The following STAU2 variants were observed in gnomAD, a reference collection of about 807,000 sequenced individuals.
The protein encoded by STAU2 is double-stranded RNA-binding protein Staufen homolog 2.
Under a neutral mutation model 65.9 loss-of-function variants are expected in STAU2, and 20 were observed. That is an observed-to-expected ratio of 0.30 (90% CI 0.21 to 0.44). The LOEUF (loss-of-function observed/expected upper bound fraction) is 0.44. Among genes scored for constraint, STAU2 ranks in the 20% least tolerant of loss-of-function variants. The probability of loss-of-function intolerance (pLI) is 1.00; values close to 1 mark genes in which losing one functional copy is unlikely to be tolerated. For synonymous variants in STAU2, 232 were observed against 233.9 expected (o/e 0.99, Z 0.07); for missense variants, 558 against 683.9 (o/e 0.82, Z 2.05).
At chr8:73,480,304 C>A (rs1204559254) in intron 13 of STAU2, among the ~76,000 whole-genome samples, 1 of 152,052 alleles carries the variant, frequency 6.6e-6, no homozygotes, top group Non-Finnish European at 1.5e-5. Context: ...CCCTATGTAT[C>A]CAATGTATAA....
intron 11 of STAU2, among the ~76,000 whole-genome samples, chr8:73,585,859 G>A (rs565292886): frequency 1.3e-5 from 2 of 152,334 alleles, no homozygotes; most frequent in African/African-American, 4.8e-5. Context: ...AATCAAGTGG[G>A]TGGTTCCCTC....
chr8:73,570,246 C>T (rs935178867), intron 12 of STAU2, among the ~76,000 whole-genome samples: 24 of 151,632 alleles, frequency 1.6e-4, no homozygotes, highest in African/African-American at 5.3e-4. Context: ...TGAAATAAAG[C>T]GAGAAGTTTA....
At chr8:73,525,175 A>G (rs1823283302) in intron 13 of STAU2, among the ~76,000 whole-genome samples, 1 of 152,214 alleles carries the variant, frequency 6.6e-6, no homozygotes, top group African/African-American at 2.4e-5. Context: ...TCATCAACAC[A>G]TTTCCTGAAA....
intron 13 of STAU2, among the ~76,000 whole-genome samples, chr8:73,495,678 T>TATATATATATATATATATATAC (rs1387768770): frequency 2.3e-3 from 336 of 147,684 alleles, no homozygotes; most frequent in African/African-American, 7.9e-3. Flanking sequence ...TATATATATA[T>TATATATATATATATATATATAC]ATATATATAT....
chr8:73,560,075 ATTTTT>A (rs35696339), intron 12 of STAU2, among the ~76,000 whole-genome samples: 4 of 83,482 alleles, frequency 4.8e-5, no homozygotes, highest in African/African-American at 1.4e-4. Flanking sequence ...TACTGAACAG[ATTTTT>A]TTTTTTTTTT....
intron 5 of STAU2, among the ~76,000 whole-genome samples, chr8:73,685,066 T>A (rs1818697853): frequency 6.6e-6 from 1 of 152,160 alleles, no homozygotes; most frequent in East Asian, 1.9e-4. Context: ...TCACAAGATC[T>A]GATAGTTTTG....
intron 13 of STAU2, among the ~76,000 whole-genome samples, chr8:73,455,502 A>G (rs905003089): frequency 6.6e-6 from 1 of 152,112 alleles, no homozygotes; most frequent in African/African-American, 2.4e-5. Context: ...ACTTGTCCCC[A>G]TTGGGCTCTG....
intron 13 of STAU2, among the ~76,000 whole-genome samples, chr8:73,468,804 G>A (rs937885698): frequency 1.3e-4 from 20 of 152,198 alleles, no homozygotes; most frequent in South Asian, 2.1e-4. Context: ...GTCAGGAAAC[G>A]ACAGGTGCTG....
At chr8:73,455,152 T>A (rs886751398) in intron 13 of STAU2, among the ~76,000 whole-genome samples, 1 of 152,026 alleles carries the variant, frequency 6.6e-6, no homozygotes, top group Non-Finnish European at 1.5e-5. Flanking sequence ...CTGGATCCCA[T>A]CTCCTCATAC....
chr8:73,466,449 G>A (rs1819659767), intron 13 of STAU2, among the ~76,000 whole-genome samples: 1 of 152,162 alleles, frequency 6.6e-6, no homozygotes, highest in African/African-American at 2.4e-5. Context: ...CAGGATGAAA[G>A]AAATAATCCA....
At chr8:73,745,476 T>C (rs1182029133) in intron 1 of STAU2, among the ~76,000 whole-genome samples, 1 of 152,232 alleles carries the variant, frequency 6.6e-6, no homozygotes, top group African/African-American at 2.4e-5. Flanking sequence ...ACCCTGCCTG[T>C]CCATCACAAT....
chr8:73,603,909 CT>C (rs1811823313), intron 9 of STAU2, 46 bp from the exon 10 acceptor site: 1 of 1,556,418 alleles, frequency 6.4e-7, no homozygotes, highest in Non-Finnish European at 8.7e-7. Flanking sequence ...CTTGTGAAAC[CT>C]GTTATTGAAT....
intron 3 of STAU2, among the ~76,000 whole-genome samples, chr8:73,709,435 ATTT>A (rs1251938985): frequency 1.3e-5 from 2 of 152,018 alleles, no homozygotes; most frequent in Admixed American, 6.6e-5. Context: ...AATTATAATA[ATTT>A]TTTATCTTAA....
intron 6 of STAU2, among the ~76,000 whole-genome samples, chr8:73,624,570 T>C (rs1043494559): frequency 2.6e-5 from 4 of 152,162 alleles, no homozygotes; most frequent in Non-Finnish European, 5.9e-5. Context: ...ATTTTACAGA[T>C]GAGGAAACTG....
intron 13 of STAU2, among the ~76,000 whole-genome samples, chr8:73,451,946 A>G (rs1358293961): frequency 6.6e-6 from 1 of 152,128 alleles, no homozygotes; most frequent in Admixed American, 6.5e-5. Flanking sequence ...GTTTTCTTTT[A>G]CCTTCCCAAG....
intron 11 of STAU2, among the ~76,000 whole-genome samples, chr8:73,588,248 G>A (rs1329601035): frequency 1.3e-5 from 2 of 152,180 alleles, no homozygotes; most frequent in Non-Finnish European, 2.9e-5. Flanking sequence ...GGAGAGATAG[G>A]ACTCACAAAA....
intron 7 of STAU2, 140 bp downstream of exon 7, chr8:73,617,152 C>T (rs937231805): frequency 9.8e-7 from 1 of 1,019,346 alleles, no homozygotes; most frequent in African/African-American, 1.6e-5. Flanking sequence ...CCTGCAGGAA[C>T]ACATGAAGCA....
chr8:73,475,693 C>T (rs1820285024), intron 13 of STAU2, among the ~76,000 whole-genome samples: 1 of 152,112 alleles, frequency 6.6e-6, no homozygotes, highest in Non-Finnish European at 1.5e-5. Context: ...TTTAGAAGGT[C>T]CCTTTGGAAA....
At chr8:73,491,289 T>C (rs1821142275) in intron 13 of STAU2, among the ~76,000 whole-genome samples, 1 of 151,958 alleles carries the variant, frequency 6.6e-6, no homozygotes, top group Admixed American at 6.6e-5. Flanking sequence ...TTGGAAATGT[T>C]AAAAAGAAAC....
Sources: allele counts gnomAD v4.1 joint callset (sites outside exome capture counted in the v4.1 genomes callset), GRCh38; gene constraint gnomAD v4.1.1; transcripts MANE v1.5; gene names NCBI Gene and HGNC (gene_info 2026-07-23, HGNC 2026-07-21).